EHF: variants seen among roughly 807,000 people sequenced by gnomAD.
The protein encoded by EHF is ETS homologous factor.
Under a neutral mutation model 45.1 loss-of-function variants are expected in EHF, and 14 were observed. The ratio of observed to expected loss-of-function variants is 0.31; its 90% CI spans 0.21 to 0.49. The LOEUF (loss-of-function observed/expected upper bound fraction) is 0.49, where lower values mean the gene tolerates loss of function less well. Ranked by LOEUF, EHF falls within the 20% of genes least tolerant of loss-of-function variation. The pLI, the probability that EHF is intolerant of heterozygous loss-of-function variation, is 0.99. For missense variants in EHF, 282 were observed against 371.4 expected (o/e 0.76, Z 1.98); for synonymous variants, 136 against 131.8 (o/e 1.03, Z -0.22).
intron 8 of EHF, 30 bp from the exon 9 acceptor site, chr11:34,658,802 A>G: frequency 6.2e-7 from 1 of 1,607,478 alleles, no homozygotes; most frequent in Non-Finnish European, 8.5e-7. Context: ...TCATCGGATC[A>G]GTCACCTTAT....
At chr11:34,655,998 A>C (rs1204071549) in intron 6 of EHF, among the ~76,000 whole-genome samples, 1 of 152,088 alleles carries the variant, frequency 6.6e-6, no homozygotes, top group Admixed American at 6.6e-5. Context: ...TTGTATTAAA[A>C]TTGGCTGATT....
At chr11:34,637,775 C>T (rs1236216800) in intron 1 of EHF, among the ~76,000 whole-genome samples, 1 of 152,158 alleles carries the variant, frequency 6.6e-6, no homozygotes, top group Non-Finnish European at 1.5e-5. Context: ...AAAATGTCAA[C>T]CTCTGGACAA....
Position 34,651,736 on chromosome 11 carries a change from G to C in EHF, c.476-1G>C. On this transcript the variant is annotated splice_acceptor_variant, in intron 5 of 8. Coordinates refer to ENST00000257831, the MANE Select transcript of EHF (RefSeq NM_012153.6). LOFTEE classifies it high-confidence loss of function. ...TGTCCTTTATCTTTTCATGGCCACA[G>C]ATTTGTTGGACAGCAAAACTTTCTG... The C allele has an allele frequency of 6.2e-7, 1 of 1,614,062 alleles. No individual in the cohort carries two copies. Among genetic ancestry groups the C allele is most frequent in the Non-Finnish European group, 8.5e-7 (1 of 1,179,958 alleles).
intron 6 of EHF, among the ~76,000 whole-genome samples, chr11:34,654,482 G>A (rs1213981019): frequency 1.3e-5 from 2 of 152,208 alleles, no homozygotes; most frequent in African/African-American, 4.8e-5. Flanking sequence ...AGGTCTGGAA[G>A]AAATTAGGTT....
intron 1 of EHF, chr11:34,624,392 C>T (rs1336418169): frequency 2.5e-6 from 2 of 809,412 alleles, no homozygotes; most frequent in Non-Finnish European, 1.5e-6. Context: ...CCCAGGTTCT[C>T]TTAAATCTCT....
chr11:34,626,398 T>G (rs911485623), intron 1 of EHF, among the ~76,000 whole-genome samples: 1 of 152,204 alleles, frequency 6.6e-6, no homozygotes, highest in Non-Finnish European at 1.5e-5. Flanking sequence ...ATTCCAGGCT[T>G]CTTCTTAGGA....
At chr11:34,632,234 C>T (rs1184358332) in intron 1 of EHF, among the ~76,000 whole-genome samples, 5 of 152,122 alleles carry the variant, frequency 3.3e-5, no homozygotes, top group African/African-American at 7.2e-5. Flanking sequence ...TGCTTAACTG[C>T]GTTGTTATCG....
In EHF at chr11:34,659,809, C is replaced by T. The variant is rs571147168; in HGVS notation, c.*878C>T. ...CTATAGTCCAAGGTTTCTCAATCTG[C>T]ACAATTGACATTTTTGGCCGGAGTG... On this transcript the variant is annotated 3_prime_UTR_variant, in exon 9 of 9. Transcript: ENST00000257831. The T allele has an allele frequency of 1.3e-5, 2 of 152,278 alleles. No individual in the cohort carries two copies. The highest frequency in any genetic ancestry group is 4.1e-4 in the South Asian group (2 of 4,824). The allele number at this position is 152,278 out of a possible 1,614,324, so 9.4% of individuals were successfully genotyped here.
At chr11:34,636,889 C>T (rs1028589119) in intron 1 of EHF, among the ~76,000 whole-genome samples, 6 of 152,120 alleles carry the variant, frequency 3.9e-5, no homozygotes, top group African/African-American at 9.6e-5. Flanking sequence ...ATTAGCCGGG[C>T]GTGGTGGTGC....
At chr11:34,624,190 T>G in intron 1 of EHF, 1 of 755,882 alleles carries the variant, frequency 1.3e-6, no homozygotes, top group Non-Finnish European at 1.6e-6. Flanking sequence ...GTGACACTCA[T>G]TTCTGTTGTG....
chr11:34,621,181 A>T lies in EHF; in HGVS notation c.-51A>T, dbSNP rs286924. ...ATTGCAGCCTGCTGCCTCCCCTCCA[A>T]CAGCCACAGCTATTGGATTTCCCAC... is the stretch of plus-strand genomic sequence containing the variant. On this transcript the variant is annotated 5_prime_UTR_variant, in exon 1 of 9. Transcript: ENST00000257831. The T allele has an allele frequency of 0.92, 140,499 of 152,338 alleles. 64,943 individuals carry two copies. The highest frequency in any genetic ancestry group is 0.95 in the Non-Finnish European group (64,474 of 68,050). The allele number at this position is 152,338 out of a possible 1,614,324, so 9.4% of individuals were successfully genotyped here.
intron 1 of EHF, among the ~76,000 whole-genome samples, chr11:34,638,625 A>C (rs1383970030): frequency 5.9e-5 from 9 of 152,102 alleles, no homozygotes; most frequent in Admixed American, 5.2e-4. Flanking sequence ...TGCTGCTGGC[A>C]TCTAGAGGGT....
intron 6 of EHF, among the ~76,000 whole-genome samples, chr11:34,653,249 C>T (rs540020361): frequency 2.2e-4 from 34 of 152,236 alleles, no homozygotes; most frequent in African/African-American, 7.5e-4. Flanking sequence ...TAAAGCTGAA[C>T]CAACCACTTC....
chr11:34,626,105 A>C (rs1182282028), intron 1 of EHF, among the ~76,000 whole-genome samples: 37 of 152,176 alleles, frequency 2.4e-4, no homozygotes, highest in Non-Finnish European at 2.9e-5. Context: ...ACCTTGTCTC[A>C]ATGTCCTTTT....
intron 4 of EHF, among the ~76,000 whole-genome samples, chr11:34,649,962 A>G (rs1298084459): frequency 6.6e-6 from 1 of 152,254 alleles, no homozygotes; most frequent in African/African-American, 2.4e-5. Context: ...GCCTACCATT[A>G]TTAAAGAAAA....
At chr11:34,648,905 A>G in intron 3 of EHF, 114 bp from the exon 4 acceptor site, 1 of 968,850 alleles carries the variant, frequency 1.0e-6, no homozygotes, top group South Asian at 1.7e-5. Context: ...AACATAGGTG[A>G]CCAGGCAGTA....
At chr11:34,645,134 T>C (rs552004666) in intron 2 of EHF, among the ~76,000 whole-genome samples, 3 of 152,290 alleles carry the variant, frequency 2.0e-5, no homozygotes, top group South Asian at 4.1e-4. Flanking sequence ...CCAAGGGAAC[T>C]GTAAGCTCTC....
At chr11:34,645,390 T>G (rs1590493295) in intron 2 of EHF, among the ~76,000 whole-genome samples, 1 of 152,308 alleles carries the variant, frequency 6.6e-6, no homozygotes, top group Non-Finnish European at 1.5e-5. Flanking sequence ...CTACCTTATT[T>G]CTTCTTCAAA....
chr11:34,651,926 G>A lies in EHF; in HGVS notation c.544+121G>A, dbSNP rs183686734. On this transcript the variant is annotated intron_variant, in intron 6 of 8. Transcript: ENST00000257831. ...TTTCTAATTAAAGGGCTAGGAAAGGGATGGGGTTACCATTAGACGAGGTTT... is the reference window on the plus strand; with the variant it reads ...TTTCTAATTAAAGGGCTAGGAAAGGAATGGGGTTACCATTAGACGAGGTTT... 9.5e-4 allele frequency: 927 copies of A among 973,406 alleles called. 1 individual carries two copies. Among genetic ancestry groups the A allele is most frequent in the Middle Eastern group, 3.3e-3 (10 of 3,006 alleles). The allele number at this position is 973,406 out of a possible 1,614,324, so 60.3% of individuals were successfully genotyped here. A position where few individuals can be genotyped will look rare whatever the true frequency, so the allele number is the denominator to read the frequency against.
Sources: gnomAD v4.1 joint callset for allele counts (sites outside exome capture counted in the v4.1 genomes callset) on GRCh38, gnomAD v4.1.1 for gene constraint, MANE v1.5 for transcripts, NCBI Gene and HGNC (gene_info 2026-07-23, HGNC 2026-07-21) for gene names.